COASY: variants seen among roughly 807,000 people sequenced by gnomAD.
COASY encodes the protein Coenzyme A synthase, also known as bifunctional coenzyme A synthase.
In COASY, 31 loss-of-function variants were observed where a neutral mutation model predicts 49.4. That is an observed-to-expected ratio of 0.63 (90% CI 0.47 to 0.85). The LOEUF is 0.85. COASY is among the 40% of genes least tolerant of loss of function. The probability of loss-of-function intolerance (pLI) is 0.00; values close to 1 mark genes in which losing one functional copy is unlikely to be tolerated. For synonymous variants in COASY, 285 were observed against 310.9 expected (o/e 0.92, Z 0.88); for missense variants, 730 against 734.1 (o/e 0.99, Z 0.06).
intron 1 of COASY, 56 bp downstream of exon 1, chr17:42,563,378 G>A (rs1379223676): frequency 1.2e-5 from 17 of 1,462,310 alleles, no homozygotes; most frequent in Admixed American, 8.0e-5. Flanking sequence ...CCCCACCCCC[G>A]ACCCTTATGC....
chr17:42,565,343 G>A, intron 6 of COASY, 32 bp downstream of exon 6: 1 of 1,608,544 alleles, frequency 6.2e-7, no homozygotes, highest in Admixed American at 1.7e-5. Context: ...AACAGCTAAG[G>A]GGACAGTTAA....
At position 42,566,009 on chromosome 17, in the gene COASY, A is replaced by G. The variant is rs772065240; in HGVS notation, c.*41A>G. 1.4e-5 allele frequency: 22 copies of G among 1,606,548 alleles called. No homozygotes were observed. Among genetic ancestry groups the G allele is most frequent in the Non-Finnish European group, 1.8e-5 (21 of 1,173,858 alleles). ...GCCAGACTGGCTCCTGGAGCTGACA[A>G]GCGACCCCGTGGTGAGGAGAAATGG... On this transcript the variant is annotated 3_prime_UTR_variant, in exon 9 of 9. Transcript: ENST00000393818.
rs766063561 is a variant in COASY, at chr17:42,564,855, A to G, written c.1194A>G (p.Pro398=). The change falls in exon 4 of 9, where the codon CCA becomes CCG. Residue 398 remains proline, a synonymous_variant. Coordinates refer to ENST00000393818, the MANE Select transcript of COASY (RefSeq NM_025233.7). ...ACCTGGGTCATCGGGCCTATGCCCCAGGTGGCCCTGCCTACCAGCCTGTGG... is the reference window on the plus strand; with the variant it reads ...ACCTGGGTCATCGGGCCTATGCCCCGGGTGGCCCTGCCTACCAGCCTGTGG... ...SDHLGHRAYA[P]GGPAYQPVVE... The G allele has an allele frequency of 6.3e-6, 10 of 1,590,336 alleles. No individual in the cohort carries two copies. The East Asian group carries it at 2.2e-4, about 36-fold the overall frequency.
rs769068183 is a variant in COASY, at chr17:42,565,640, A to G, written c.1486-19A>G. The G allele has an allele frequency of 1.9e-6, 3 of 1,613,874 alleles. No individual in the cohort carries two copies. Among genetic ancestry groups the G allele is most frequent in the Non-Finnish European group, 2.5e-6 (3 of 1,179,812 alleles). On this transcript the variant is annotated intron_variant, in intron 7 of 8. Transcript: ENST00000393818. The stretch of plus-strand genomic sequence containing the variant: ...TGTGAGCTGGAATTCTTCCTGACAA[A>G]TGTCTCGTCTGTGCTCAGGCTGTAA...
chr17:42,563,323 G>C lies in COASY; in HGVS notation c.700+1G>C, dbSNP rs1274414509. 6.3e-7 allele frequency: 1 copy of C among 1,579,200 alleles called. No individual in the cohort carries two copies. The highest frequency in any genetic ancestry group is 1.1e-5 in the South Asian group (1 of 89,798). On this transcript the variant is annotated splice_donor_variant, in intron 1 of 8. Coordinates refer to ENST00000393818, the MANE Select transcript of COASY (RefSeq NM_025233.7). LOFTEE classifies it high-confidence loss of function. ...GTAGCAGACAAAGATCTGTTGAAGA[G>C]TGAGTAAGAGGGACCCTGGACTAGG...
Position 42,563,249 on chromosome 17 carries a change from G to A in COASY, c.627G>A (p.Val209=). ...TFDRLHNAHK[V]LLSVACILAQ... is the part of the protein sequence containing the mutation. ...ACCGCCTGCACAACGCCCACAAGGTGTTGCTCAGTGTCGCGTGCATCCTGG... is the reference window on the plus strand; with the variant it reads ...ACCGCCTGCACAACGCCCACAAGGTATTGCTCAGTGTCGCGTGCATCCTGG... Residue 209 remains valine (V), a synonymous_variant, in exon 1 of 9, where the codon GTG becomes GTA. Transcript: ENST00000393818. 2 of 1,612,480 alleles carry A rather than the reference G, an allele frequency of 1.2e-6. No homozygotes were observed. The highest frequency in any genetic ancestry group is 1.3e-5 in the African/African-American group (1 of 75,062).
chr17:42,563,170 CT>C lies in COASY; in HGVS notation c.549del (p.Pro184GlnfsTer43), dbSNP rs1567903932. The C allele has an allele frequency of 6.2e-7, 1 of 1,613,972 alleles. No homozygotes were observed. The highest frequency in any genetic ancestry group is 8.5e-7 in the Non-Finnish European group (1 of 1,180,036). On this transcript the variant is annotated frameshift_variant, in exon 1 of 9. Transcript: ENST00000393818. LOFTEE classifies it high-confidence loss of function. Reference sequence around the variant, plus strand: ...AGGCCAGCTTCCCCCGTGGCCGGGTCTCCAAAGCAGCCGGTGCGTGGCTACT... The same window carrying C: ...AGGCCAGCTTCCCCCGTGGCCGGGTCCCAAAGCAGCCGGTGCGTGGCTACT... ...TIRPASPVAGSPKQPVRGYYR... is the reference protein window; with the variant it reads ...TIRPASPVAGXPKQPVRGYYR...
Position 42,564,806 on chromosome 17 carries a change from G to A in COASY, c.1145G>A (p.Gly382Glu), listed in dbSNP as rs2092994040. The change falls in exon 4 of 9, where the codon GGG becomes GAG. Residue 382 changes from glycine (G) to glutamate (E), a missense_variant. Physicochemically the swap from Gly to Glu is moderately conservative, Grantham distance 98 (BLOSUM62 -2). Coordinates refer to ENST00000393818, the MANE Select transcript of COASY (RefSeq NM_025233.7). ...ATAGCTCAGCGACTGAAGGGCCTGG[G>A]GGCGTTTGTCATTGACAGTGACCAC... The part of the protein sequence containing the change: ...SSIAQRLKGL[G>E]AFVIDSDHLG... The A allele has an allele frequency of 2.6e-6, 4 of 1,556,312 alleles. No homozygotes were observed. The Admixed American group carries it at 6.1e-5, about 24-fold the overall frequency.
At position 42,565,584 on chromosome 17, in the gene COASY, C is replaced by G. The variant is rs760320519; in HGVS notation, c.1485+16C>G. On this transcript the variant is annotated intron_variant, in intron 7 of 8. Transcript: ENST00000393818. ...AGAGACTGAGGTATCTCGCCCCACC[C>G]CCCACACCATCCCTACTGCAGATCC... 17 of 1,613,928 alleles carry G rather than the reference C, an allele frequency of 1.1e-5. No homozygotes were observed. Among genetic ancestry groups the G allele is most frequent in the Non-Finnish European group, 1.4e-5 (17 of 1,179,804 alleles).
At position 42,562,703 on chromosome 17, in the gene COASY, C is replaced by T. The variant is rs145723983; in HGVS notation, c.81C>T (p.Thr27=). 166 of 1,567,270 alleles carry T rather than the reference C, an allele frequency of 1.1e-4. 1 individual carries two copies. The African/African-American group carries it at 1.3e-3, about 13-fold the overall frequency. ...SLAPRLASIL[T]SAARLVNHTL... ...CCCCTCGCCTGGCCTCCATCCTGAC[C>T]TCGGCGGCCCGGCTGGTGAATCACA... Residue 27 remains threonine, a synonymous_variant, in exon 1 of 9, where the codon ACC becomes ACT. Coordinates refer to ENST00000393818, the MANE Select transcript of COASY (RefSeq NM_025233.7).
rs545304443 is a variant in COASY, at chr17:42,564,226, C to T, written c.915+51C>T. 9 of 1,566,190 alleles carry T rather than the reference C, an allele frequency of 5.7e-6. No individual in the cohort carries two copies. In the South Asian group the frequency reaches 7.9e-5, roughly 14 times the overall value. On this transcript the variant is annotated intron_variant, in intron 2 of 8. Coordinates refer to ENST00000393818, the MANE Select transcript of COASY (RefSeq NM_025233.7). ...GGGAGTGGATGGGGGACGGGGAAGG[C>T]CATTTTGAGGGGGCTGTTGGAAGTA...
Position 42,563,972 on chromosome 17 carries a change from CCT to C in COASY, c.713_714del (p.Pro238ArgfsTer15), listed in dbSNP as rs1175926222. 1 of 1,607,136 alleles carries C rather than the reference CCT, an allele frequency of 6.2e-7. No individual in the cohort carries two copies. Among genetic ancestry groups the C allele is most frequent in the Non-Finnish European group, 8.5e-7 (1 of 1,175,234 alleles). ...GGCTCCTTCCCCAGGCAAGTTGCTC[CCT>C]GAGCTGCTCCAACCTTATACAGAAC... ...DKDLLKSKLL[P>X]ELLQPYTERV... On this transcript the variant is annotated frameshift_variant, in exon 2 of 9. Coordinates refer to ENST00000393818, the MANE Select transcript of COASY (RefSeq NM_025233.7). LOFTEE classifies it high-confidence loss of function.
chr17:42,563,831 G>T, intron 1 of COASY, 130 bp from the exon 2 acceptor site: 1 of 666,278 alleles, frequency 1.5e-6, no homozygotes, highest in East Asian at 2.6e-5. Flanking sequence ...ATCACCATAG[G>T]CCTTACCAGT....
rs1409704711 is a variant in COASY at position 42,564,514 on chromosome 17, G to C, written c.984G>C (p.Glu328Asp). The C allele has an allele frequency of 5.0e-6, 8 of 1,613,304 alleles. No individual in the cohort carries two copies. The highest frequency in any genetic ancestry group is 6.8e-6 in the Non-Finnish European group (8 of 1,179,682). ...ACCTCAGACATACAGAGAATGAAGA[G>C]GACAAAGTCAGCTCCTCCAGCTTCC... is the stretch of plus-strand genomic sequence containing the variant. The part of the protein sequence containing the change: ...LKDLRHTENE[E>D]DKVSSSSFRQ... Residue 328 changes from glutamate to aspartate, a missense_variant, in exon 3 of 9, where the codon GAG (glutamate) becomes GAC (aspartate). Transcript: ENST00000393818.
At position 42,562,770 on chromosome 17, in the gene COASY, C is replaced by T. The variant is rs1327564593; in HGVS notation, c.148C>T (p.Pro50Ser). 6.2e-7 allele frequency: 1 copy of T among 1,600,360 alleles called. No individual in the cohort carries two copies. The highest frequency in any genetic ancestry group is 8.5e-7 in the Non-Finnish European group (1 of 1,170,548). ...GCAGCCGGGCATGAGCCTGGAGGGC[C>T]CGGCTCAGCCCCAGTCCAGCCCCGT... is the stretch of plus-strand genomic sequence containing the variant. ...HLQPGMSLEG[P>S]AQPQSSPVQA... The change falls in exon 1 of 9, where the codon CCG (proline) becomes TCG (serine). Residue 50 changes from proline to serine, a missense_variant. Physicochemically the swap from Pro to Ser is moderately conservative, Grantham distance 74 (BLOSUM62 -1). Transcript: ENST00000393818.
At position 42,564,998 on chromosome 17, in the gene COASY, A is replaced by G. The variant is rs1304493397; in HGVS notation, c.1253A>G (p.Asp418Gly). ...TGTTGTCCAGATATTCTCCATAAAGATGGCATCATCAACAGGAAGGTCCTA... is the reference window on the plus strand; with the variant it reads ...TGTTGTCCAGATATTCTCCATAAAGGTGGCATCATCAACAGGAAGGTCCTA... The part of the protein sequence containing the change: ...EAFGTDILHK[D>G]GIINRKVLGS... The change falls in exon 5 of 9, where the codon GAT (aspartate) becomes GGT (glycine). Residue 418 changes from aspartate (D) to glycine (G), a missense_variant. By Grantham distance (94) the Asp-to-Gly change is moderately conservative. Transcript: ENST00000393818. The G allele has an allele frequency of 6.2e-7, 1 of 1,614,172 alleles. No homozygotes were observed. Among genetic ancestry groups the G allele is most frequent in the Non-Finnish European group, 8.5e-7 (1 of 1,180,024 alleles).
chr17:42,562,332 C>T lies in COASY; in HGVS notation c.-291C>T, dbSNP rs541507808. On this transcript the variant is annotated 5_prime_UTR_variant, in exon 1 of 9. Transcript: ENST00000393818. ...GGCCCAGGATTTTTGGATCCCCAGC[C>T]CTGTGACAAGGGTTCCTGTCCAGTT... The T allele has an allele frequency of 2.2e-6, 3 of 1,358,430 alleles. No homozygotes were observed. Among genetic ancestry groups the T allele is most frequent in the East Asian group, 2.3e-5 (1 of 43,408 alleles). The allele number at this position is 1,358,430 out of a possible 1,614,324, so 84.1% of individuals were successfully genotyped here.
rs544472330 is a variant in COASY at position 42,562,861 on chromosome 17, A to G, written c.239A>G (p.His80Arg). 14 of 1,613,400 alleles carry G rather than the reference A, an allele frequency of 8.7e-6. No homozygotes were observed. In the African/African-American group the frequency reaches 1.1e-4, roughly 12 times the overall value. The change falls in exon 1 of 9, where the codon CAC becomes CGC. Residue 80 changes from histidine to arginine, a missense_variant. By Grantham distance (29) the His-to-Arg change is conservative. Transcript: ENST00000393818. ...HLYAGADVHR[H>R]LDVRILLTNI... ...TATGCTGGCGCCGACGTCCACAGGC[A>G]CTTGGACGTCAGAATCCTACTGACC... is the stretch of plus-strand genomic sequence containing the variant.
rs781219437 is a variant in COASY, at chr17:42,565,003, A to C, written c.1258A>C (p.Ile420Leu). 3.7e-6 allele frequency: 6 copies of C among 1,614,230 alleles called. No individual in the cohort carries two copies. The highest frequency in any genetic ancestry group is 5.1e-6 in the Non-Finnish European group (6 of 1,180,040). The change falls in exon 5 of 9, where the codon ATC becomes CTC. Residue 420 changes from isoleucine (I) to leucine (L), a missense_variant. By Grantham distance (5) the Ile-to-Leu change is conservative. Coordinates refer to ENST00000393818, the MANE Select transcript of COASY (RefSeq NM_025233.7). The part of the protein sequence containing the change: ...FGTDILHKDG[I>L]INRKVLGSRV... ...TCCAGATATTCTCCATAAAGATGGC[A>C]TCATCAACAGGAAGGTCCTAGGCAG... is the stretch of plus-strand genomic sequence containing the variant.
Sources: allele counts gnomAD v4.1 joint callset, GRCh38; gene constraint gnomAD v4.1.1; transcripts MANE v1.5; gene names NCBI Gene and HGNC (gene_info 2026-07-23, HGNC 2026-07-21).